COL16A1: variants seen among roughly 807,000 people sequenced by gnomAD.
The protein encoded by COL16A1 is collagen alpha-1(XVI) chain.
COL16A1 carries 189 observed loss-of-function variants against 266.3 expected under a neutral mutation model. That is an observed-to-expected ratio of 0.71 (90% CI 0.63 to 0.80). COL16A1 has a LOEUF of 0.80. Among genes scored for constraint, COL16A1 ranks in the 30% least tolerant of loss-of-function variants. COL16A1 has a pLI of 0.00. For missense variants in COL16A1, 1,928 were observed against 2,122.4 expected (o/e 0.91, Z 1.80); for synonymous variants, 740 against 782.3 (o/e 0.95, Z 0.90).
intron 2 of COL16A1, chr1:31,701,243 A>G: frequency 1.1e-6 from 1 of 923,420 alleles, no homozygotes; most frequent in Non-Finnish European, 1.3e-6. Context: ...ACCCCTTGGC[A>G]ATGGGCCCAG....
At chr1:31,673,811 C>T (rs1356005148) in intron 44 of COL16A1, among the ~76,000 whole-genome samples, 1 of 152,260 alleles carries the variant, frequency 6.6e-6, no homozygotes, top group East Asian at 1.9e-4. Context: ...ACTATGGGTG[C>T]AGGTGGTGGC....
chr1:31,656,303 T>C lies in COL16A1; in HGVS notation c.4101+97A>G. The C allele has an allele frequency of 6.4e-7, 1 of 1,550,674 alleles. No individual in the cohort carries two copies. Among genetic ancestry groups the C allele is most frequent in the Non-Finnish European group, 8.7e-7 (1 of 1,150,152 alleles). On this transcript the variant is annotated intron_variant, in intron 66 of 70. Transcript: ENST00000373672. The surrounding 1 kb of genome is among the most constrained non-coding windows in gnomAD (Gnocchi z 4.2). ...CATTTTTGCCCCCTGCCCACTGGCC[T>C]TCCTGTGTCTCCTCTCTGTGGCTAA...
At chr1:31,666,955 G>A (rs76602519) in intron 52 of COL16A1, among the ~76,000 whole-genome samples, 3,435 of 152,278 alleles carry the variant, frequency 0.023, 39 homozygotes, top group Middle Eastern at 0.054. Context: ...ATCCTCAGAG[G>A]GGAGCCTGGC....
intron 48 of COL16A1, 30 bp downstream of exon 48, chr1:31,671,585 C>G (rs1570431673): frequency 6.2e-7 from 1 of 1,613,886 alleles, no homozygotes; most frequent in Non-Finnish European, 8.5e-7. Context: ...GAGAGCTTCT[C>G]AAGCAGACCA....
chr1:31,679,355 T>C lies in COL16A1; in HGVS notation c.2772+277A>G, dbSNP rs562876985. 43 of 1,464,720 alleles carry C rather than the reference T, an allele frequency of 2.9e-5. No individual in the cohort carries two copies. The African/African-American group carries it at 4.8e-4, about 16-fold the overall frequency. The allele number at this position is 1,464,720 out of a possible 1,614,324, so 90.7% of individuals were successfully genotyped here. On this transcript the variant is annotated intron_variant, in intron 42 of 70. Coordinates refer to ENST00000373672, the MANE Select transcript of COL16A1 (RefSeq NM_001856.4). ...CTCCAAAACAGTGGGCCGGGCTCTG[T>C]ACCAGGGTAAGGGATTTTTATCTGA...
chr1:31,692,642 A>G lies in COL16A1; in HGVS notation c.1114T>C (p.Cys372Arg), dbSNP rs747228510. 1 of 1,614,012 alleles carries G rather than the reference A, an allele frequency of 6.2e-7. No homozygotes were observed. The highest frequency in any genetic ancestry group is 1.1e-5 in the South Asian group (1 of 91,080). Residue 372 changes from cysteine (C) to arginine (R), a missense_variant and splice_region_variant, in exon 15 of 71, where the codon TGT (cysteine) becomes CGT (arginine). Around this residue, in one of 2 missense-constraint regions of COL16A1, gnomAD observed 1,552 missense variants for 1,637.2 expected, o/e 0.95. Coordinates refer to ENST00000373672, the MANE Select transcript of COL16A1 (RefSeq NM_001856.4). The part of the protein sequence containing the change: ...VRISPDAPLQ[C>R]AEGPKGEKGE... Reference sequence around the variant, plus strand: ...TTCTCTCCCTTCGGGCCTTCTGCACACTGAACAGGGGAACACAGTGTTGAG... The same window carrying G: ...TTCTCTCCCTTCGGGCCTTCTGCACGCTGAACAGGGGAACACAGTGTTGAG...
intron 62 of COL16A1, 134 bp downstream of exon 62, chr1:31,660,451 G>A: frequency 1.7e-6 from 2 of 1,143,058 alleles, no homozygotes; most frequent in Non-Finnish European, 2.5e-6. Context: ...CACAGAAGGA[G>A]TGGCCCCCGT....
chr1:31,674,491 A>T (rs1467750161), intron 44 of COL16A1, among the ~76,000 whole-genome samples: 1 of 152,232 alleles, frequency 6.6e-6, no homozygotes, highest in East Asian at 1.9e-4. Flanking sequence ...AGGCCCTGGC[A>T]CAGGCCGACC....
chr1:31,699,800 T>G lies in COL16A1; in HGVS notation c.266+13A>C. ...TCAGTGTTGATTCTCAGTGGTCACATGGATGCATTTACCGCGTGGGCTGGG... is the reference window on the plus strand; with the variant it reads ...TCAGTGTTGATTCTCAGTGGTCACAGGGATGCATTTACCGCGTGGGCTGGG... On this transcript the variant is annotated intron_variant, in intron 4 of 70. Transcript: ENST00000373672. The G allele has an allele frequency of 6.6e-7, 1 of 1,506,806 alleles. No individual in the cohort carries two copies. The allele number at this position is 1,506,806 out of a possible 1,614,324, so 93.3% of individuals were successfully genotyped here.
intron 67 of COL16A1, 92 bp from the exon 68 acceptor site, chr1:31,654,950 C>T: frequency 7.1e-7 from 1 of 1,403,450 alleles, no homozygotes; most frequent in Non-Finnish European, 9.7e-7. Context: ...AGGCAAAGGT[C>T]CCAGGAGCCT....
chr1:31,656,058 G>T lies in COL16A1; in HGVS notation c.4101+342C>A, dbSNP rs565950704. 5.1e-6 allele frequency: 2 copies of T among 391,408 alleles called. No homozygotes were observed. Among genetic ancestry groups the T allele is most frequent in the South Asian group, 5.0e-5 (2 of 39,638 alleles). 24.2% of individuals were successfully genotyped at this position (391,408 alleles called of 1,614,324 possible). On this transcript the variant is annotated intron_variant, in intron 66 of 70. Transcript: ENST00000373672. This position sits in a 1 kb window ranked among gnomAD's most constrained non-coding sequence, Gnocchi z 4.2. ...CCAATCCCTAGTGTAAGTGTGACTG[G>T]TCTATTGTGAGCACCTATTGTTCAG...
chr1:31,684,689 C>A, intron 30 of COL16A1, 59 bp from the exon 31 acceptor site: 2 of 1,607,230 alleles, frequency 1.2e-6, no homozygotes. Flanking sequence ...AGGTTGCCCC[C>A]CTGGGACTCG....
At chr1:31,691,082 TC>T in intron 20 of COL16A1, 105 bp downstream of exon 20, 1 of 1,520,808 alleles carries the variant, frequency 6.6e-7, no homozygotes. Context: ...AGGCCCGGCC[TC>T]CTCCCTGGGA....
intron 39 of COL16A1, 111 bp downstream of exon 39, chr1:31,680,794 T>C (rs2148753862): frequency 1.9e-6 from 3 of 1,585,614 alleles, no homozygotes; most frequent in Non-Finnish European, 1.7e-6. Flanking sequence ...CCCTGGTTCA[T>C]GGTGGGAAGG....
At position 31,657,199 on chromosome 1, in the gene COL16A1, C is replaced by G; in HGVS notation, c.4021-131G>C. Reference sequence around the variant, plus strand: ...GCCACGATCCTCCAGCCCTCACCCTCTGACAATCTGGGCACAGGCCGTGGA... The same window carrying G: ...GCCACGATCCTCCAGCCCTCACCCTGTGACAATCTGGGCACAGGCCGTGGA... On this transcript the variant is annotated intron_variant, in intron 64 of 70. Transcript: ENST00000373672. This position sits in a 1 kb window ranked among gnomAD's most constrained non-coding sequence, Gnocchi z 6.4. The G allele has an allele frequency of 2.6e-6, 3 of 1,152,188 alleles. No homozygotes were observed. Among genetic ancestry groups the G allele is most frequent in the South Asian group, 1.3e-5 (1 of 78,898 alleles). The allele number at this position is 1,152,188 out of a possible 1,614,324, so 71.4% of individuals were successfully genotyped here.
Position 31,668,882 on chromosome 1 carries a change from G to T in COL16A1, c.3196-27C>A. 6.2e-7 allele frequency: 1 copy of T among 1,607,710 alleles called. No individual in the cohort carries two copies. The highest frequency in any genetic ancestry group is 8.5e-7 in the Non-Finnish European group (1 of 1,176,420). On this transcript the variant is annotated intron_variant, in intron 49 of 70. Transcript: ENST00000373672. The surrounding 1 kb of genome is among the most constrained non-coding windows in gnomAD (Gnocchi z 5.8). ...TTGGAGAGAAAAATCATGAGAAACT[G>T]CAGGAGCCGGCGGTCCCCACCCAGC...
At position 31,655,438 on chromosome 1, in the gene COL16A1, C is replaced by T; in HGVS notation, c.4166G>A (p.Gly1389Asp). Residue 1389 changes from glycine to aspartate, a missense_variant, in exon 67 of 71, where the codon GGT becomes GAT. This residue lies in a region of COL16A1 where 376 missense variants were observed against 485.2 expected (regional missense o/e 0.77). Transcript: ENST00000373672. ...CATGGAACCACTCTTGCCAGGTCCA[C>T]CAGGCATGCCGGCTCTCCCCTTCTC... ...AGEKGRAGMP[G>D]GPGKSGSMGP... 1 of 1,614,178 alleles carries T rather than the reference C, an allele frequency of 6.2e-7. No individual in the cohort carries two copies. The highest frequency in any genetic ancestry group is 1.7e-5 in the Admixed American group (1 of 60,022).
intron 39 of COL16A1, among the ~76,000 whole-genome samples, 169 bp downstream of exon 39, chr1:31,680,736 C>G (rs1409007871): frequency 6.6e-6 from 1 of 152,176 alleles, no homozygotes; most frequent in African/African-American, 2.4e-5. Flanking sequence ...CAGGATGCCT[C>G]CTCCACCCCC....
chr1:31,666,788 C>T (rs1052422627), intron 52 of COL16A1, among the ~76,000 whole-genome samples: 3 of 152,104 alleles, frequency 2.0e-5, no homozygotes, highest in African/African-American at 2.4e-5. Context: ...CCTGCCCCTC[C>T]GCTTCGATGG....
Sources: gnomAD v4.1 joint callset for allele counts (sites outside exome capture counted in the v4.1 genomes callset) on GRCh38, gnomAD v4.1.1 for gene constraint, gnomAD v4.1.1 regional missense constraint, Gnocchi (gnomAD v3.1) non-coding constraint, MANE v1.5 for transcripts, NCBI Gene and HGNC (gene_info 2026-07-23, HGNC 2026-07-21) for gene names.